The following FBXL20 variants were observed in gnomAD, a reference collection of about 807,000 sequenced individuals.
The protein encoded by FBXL20 is F-box/LRR-repeat protein 20.
FBXL20 carries 11 observed loss-of-function variants against 64.0 expected under a neutral mutation model. The ratio of observed to expected loss-of-function variants is 0.17; its 90% CI spans 0.11 to 0.28. The LOEUF is 0.28. FBXL20 is among the 10% of genes least tolerant of loss of function. FBXL20 has a pLI of 1.00. For missense variants in FBXL20, 303 were observed against 526.2 expected (o/e 0.58, Z 4.15); for synonymous variants, 184 against 189.0 (o/e 0.97, Z 0.22).
At chr17:39,294,579 TA>T (rs1477154120) in intron 6 of FBXL20, among the ~76,000 whole-genome samples, 1 of 152,152 alleles carries the variant, frequency 6.6e-6, no homozygotes, top group African/African-American at 2.4e-5. Context: ...TTCTTTGATT[TA>T]AAAAATTTGT....
In FBXL20 at chr17:39,275,017, G is replaced by C. The variant is rs1347652688; in HGVS notation, c.780C>G (p.Ile260Met). 1.2e-6 allele frequency: 2 copies of C among 1,614,134 alleles called. No homozygotes were observed. The change falls in exon 10 of 15, where the codon ATC (isoleucine) becomes ATG (methionine). Residue 260 changes from isoleucine to methionine, a missense_variant. This residue lies in a region of FBXL20 where 246 missense variants were observed against 422.6 expected (regional missense o/e 0.58). Transcript: ENST00000264658. ...CTAGAGCATTCAGGATGGCATCTGT[G>C]ATGTTGGAGCAGCCAGAGGCACAAA... ...QSLCASGCSN[I>M]TDAILNALGQ... is the part of the protein sequence containing the mutation.
chr17:39,371,805 C>T (rs2047921040), intron 1 of FBXL20, among the ~76,000 whole-genome samples: 1 of 152,056 alleles, frequency 6.6e-6, no homozygotes, highest in Non-Finnish European at 1.5e-5. Flanking sequence ...GGATTAAAGG[C>T]ACGCGCCACC....
intron 1 of FBXL20, among the ~76,000 whole-genome samples, chr17:39,351,562 G>T (rs2047687331): frequency 6.6e-6 from 1 of 152,062 alleles, no homozygotes; most frequent in Non-Finnish European, 1.5e-5. Context: ...AAACAATTTA[G>T]ATCAAGGCTA....
chr17:39,401,984 C>G (rs974373764), upstream of FBXL20: 19 of 485,896 alleles, frequency 3.9e-5, no homozygotes, highest in Non-Finnish European at 6.2e-5. Context: ...CAGTACCGCA[C>G]TCTGCGCGGG....
upstream of FBXL20, chr17:39,401,839 A>G: frequency 2.1e-6 from 1 of 477,612 alleles, no homozygotes; most frequent in South Asian, 9.7e-5. Context: ...CGGCGGCACG[A>G]CCCCCTGCGC....
intron 9 of FBXL20, among the ~76,000 whole-genome samples, chr17:39,279,434 G>T (rs530571351): frequency 6.6e-6 from 1 of 151,840 alleles, no homozygotes; most frequent in Non-Finnish European, 1.5e-5. Context: ...TGTAGTTGGA[G>T]GTTGCTGTGA....
intron 6 of FBXL20, among the ~76,000 whole-genome samples, chr17:39,287,968 CTT>C (rs34161800): frequency 1.4e-4 from 17 of 123,810 alleles, no homozygotes; most frequent in Non-Finnish European, 1.5e-4. Flanking sequence ...GTAATGAAAA[CTT>C]TTTTTTTTTT....
At chr17:39,339,347 GTCC>G (rs1555610553) in intron 2 of FBXL20, among the ~76,000 whole-genome samples, 1 of 152,032 alleles carries the variant, frequency 6.6e-6, no homozygotes, top group Non-Finnish European at 1.5e-5. Flanking sequence ...ATGTACCTGA[GTCC>G]CAGCTACTTA....
intron 2 of FBXL20, among the ~76,000 whole-genome samples, chr17:39,308,704 A>G (rs533361759): frequency 4.6e-5 from 7 of 151,758 alleles, no homozygotes; most frequent in Admixed American, 3.3e-4. Context: ...AGCTGGCACT[A>G]CAGGCGCCGA....
chr17:39,397,138 T>C (rs951848165), intron 1 of FBXL20, among the ~76,000 whole-genome samples: 1 of 152,068 alleles, frequency 6.6e-6, no homozygotes, highest in Non-Finnish European at 1.5e-5. Flanking sequence ...ACTCCCGAGC[T>C]CAGATGATCC....
At chr17:39,284,134 A>C (rs2046969764) in intron 7 of FBXL20, among the ~76,000 whole-genome samples, 1 of 152,238 alleles carries the variant, frequency 6.6e-6, no homozygotes, top group Admixed American at 6.5e-5. Context: ...TCATGGTTGC[A>C]TCACAGTACC....
At chr17:39,346,866 C>T (rs1181661021) in intron 1 of FBXL20, among the ~76,000 whole-genome samples, 5 of 146,606 alleles carry the variant, frequency 3.4e-5, no homozygotes, top group South Asian at 2.3e-4. Flanking sequence ...CAACAGGTCC[C>T]GGTGTGTGAT....
chr17:39,334,498 C>A lies in FBXL20; in HGVS notation c.104+8682G>T, dbSNP rs145832173. ...TAAAAAAATTAAAAAAAAAAAAATT[C>A]GAAAAAAAAATTCAGCTAATCCATG... On this transcript the variant is annotated intron_variant, in intron 2 of 14. Coordinates refer to ENST00000264658, the MANE Select transcript of FBXL20 (RefSeq NM_032875.3). Among the ~76,000 whole-genome samples the A allele has an allele frequency of 4.1e-3, 605 of 146,760 alleles. 6 individuals carry two copies. Among genetic ancestry groups the A allele is most frequent in the African/African-American group, 0.015 (578 of 38,688 alleles).
chr17:39,356,680 G>A (rs2047744271), intron 1 of FBXL20, among the ~76,000 whole-genome samples: 1 of 151,984 alleles, frequency 6.6e-6, no homozygotes, highest in South Asian at 2.1e-4. Context: ...TTTTGAGACA[G>A]GGTATCACTC....
At chr17:39,355,555 T>C (rs937594193) in intron 1 of FBXL20, among the ~76,000 whole-genome samples, 7 of 151,994 alleles carry the variant, frequency 4.6e-5, no homozygotes, top group African/African-American at 1.7e-4. Context: ...GCTTTTGATG[T>C]CTTATACAAG....
chr17:39,388,477 T>G (rs2144670258), intron 1 of FBXL20, among the ~76,000 whole-genome samples: 1 of 144,858 alleles, frequency 6.9e-6, no homozygotes, highest in Non-Finnish European at 1.5e-5. Context: ...AAAAGTTGCT[T>G]TTTTTTTTTT....
At chr17:39,369,890 T>C (rs2047898411) in intron 1 of FBXL20, among the ~76,000 whole-genome samples, 1 of 151,976 alleles carries the variant, frequency 6.6e-6, no homozygotes, top group Non-Finnish European at 1.5e-5. Context: ...CCTACCCTCC[T>C]CCAAAAGTGC....
chr17:39,391,293 A>C lies in FBXL20; in HGVS notation c.42+10068T>G, dbSNP rs565113360. On this transcript the variant is annotated intron_variant, in intron 1 of 14. Transcript: ENST00000264658. ...AATTATTAAGAAAAAAAAAGAAACA[A>C]GCAGGAATCGAAAGCAGTATATAGG... Among the ~76,000 whole-genome samples, 151 of 151,980 alleles carry C rather than the reference A, an allele frequency of 9.9e-4. 2 individuals carry two copies. In the Middle Eastern group the frequency reaches 0.01, roughly 10 times the overall value.
intron 2 of FBXL20, among the ~76,000 whole-genome samples, chr17:39,330,972 T>C (rs2047454722): frequency 6.6e-6 from 1 of 152,232 alleles, no homozygotes; most frequent in Non-Finnish European, 1.5e-5. Context: ...CTAGGTACTA[T>C]GCAAAGAGCT....
Sources: allele counts gnomAD v4.1 joint callset (sites outside exome capture counted in the v4.1 genomes callset), GRCh38; gene constraint gnomAD v4.1.1; regional missense constraint gnomAD v4.1.1; transcripts MANE v1.5; gene names NCBI Gene and HGNC (gene_info 2026-07-23, HGNC 2026-07-21).